Variants in PCDH15 observed in about 807,000 individuals in gnomAD.
PCDH15 encodes the protein protocadherin related 15.
PCDH15 carries 129 observed loss-of-function variants against 178.5 expected under a neutral mutation model. The observed-to-expected ratio is 0.72, with a 90% CI of 0.63 to 0.84. The LOEUF (loss-of-function observed/expected upper bound fraction) is 0.84, where lower values mean the gene tolerates loss of function less well. Among genes scored for constraint, PCDH15 ranks in the 40% least tolerant of loss-of-function variants. The pLI, the probability that PCDH15 is intolerant of heterozygous loss-of-function variation, is 0.00. For synonymous variants in PCDH15, 800 were observed against 732.0 expected, an observed-to-expected ratio of 1.09 and a Z score of -1.50; for missense variants, 2,230 against 2,099.9, an observed-to-expected ratio of 1.06 and a Z score of -1.21.
intron 2 of PCDH15, among the ~76,000 whole-genome samples, chr10:55,058,126 A>G (rs1001476834): frequency 3.3e-5 from 5 of 152,208 alleles, no homozygotes; most frequent in African/African-American, 9.6e-5. Context: ...AAAATTACAT[A>G]TTCATTCAAA....
chr10:54,244,405 A>C (rs1483785570), intron 8 of PCDH15, among the ~76,000 whole-genome samples: 1 of 152,182 alleles, frequency 6.6e-6, no homozygotes, highest in Non-Finnish European at 1.5e-5. Flanking sequence ...ACAGGCAATA[A>C]AAACCTTGGC....
intron 5 of PCDH15, among the ~76,000 whole-genome samples, chr10:54,352,302 T>C (rs1944306052): frequency 6.6e-6 from 1 of 152,184 alleles, no homozygotes; most frequent in Non-Finnish European, 1.5e-5. Context: ...TATATTTTTA[T>C]GTAATAGACA....
intron 2 of PCDH15, among the ~76,000 whole-genome samples, chr10:54,928,633 C>A (rs1176060491): frequency 6.6e-6 from 1 of 152,052 alleles, no homozygotes; most frequent in African/African-American, 2.4e-5. Context: ...TTCGTTCATT[C>A]CTTTTCATTA....
intron 1 of PCDH15, among the ~76,000 whole-genome samples, chr10:55,271,173 C>T (rs1324939808): frequency 6.6e-6 from 1 of 151,966 alleles, no homozygotes; most frequent in Non-Finnish European, 1.5e-5. Flanking sequence ...TGAAAAACTT[C>T]CTGTTGGTTA....
At chr10:54,025,120 G>T (rs2093043245) in intron 18 of PCDH15, among the ~76,000 whole-genome samples, 1 of 152,144 alleles carries the variant, frequency 6.6e-6, no homozygotes, top group South Asian at 2.1e-4. Context: ...CAATTTGACT[G>T]ATGTGGCTGT....
intron 1 of PCDH15, among the ~76,000 whole-genome samples, chr10:54,752,246 G>A (rs1946328385): frequency 6.6e-6 from 1 of 151,318 alleles, no homozygotes; most frequent in Admixed American, 6.6e-5. Flanking sequence ...GGAGGCCGAG[G>A]CGGACAGATC....
At chr10:54,045,207 CTCA>C (rs2093631432) in intron 18 of PCDH15, among the ~76,000 whole-genome samples, 1 of 151,840 alleles carries the variant, frequency 6.6e-6, no homozygotes, top group Non-Finnish European at 1.5e-5. Context: ...AATGGCCTCT[CTCA>C]TCATCATCTT....
chr10:54,555,642 CAGG>C (rs1471195982), intron 2 of PCDH15, among the ~76,000 whole-genome samples: 1 of 146,762 alleles, frequency 6.8e-6, no homozygotes, highest in Non-Finnish European at 1.5e-5. Context: ...GAGGCTGAGG[CAGG>C]AGAATAGCTT....
At chr10:54,512,580 G>A (rs1315598372) in intron 3 of PCDH15, among the ~76,000 whole-genome samples, 1 of 151,822 alleles carries the variant, frequency 6.6e-6, no homozygotes, top group East Asian at 1.9e-4. Context: ...ATGTCAAATG[G>A]CAAATGGGTT....
intron 1 of PCDH15, among the ~76,000 whole-genome samples, chr10:55,229,452 GA>G (rs899131910): frequency 6.0e-5 from 9 of 150,974 alleles, no homozygotes; most frequent in African/African-American, 9.7e-5. Context: ...TACACTAAAA[GA>G]AAAAAATACA....
chr10:54,939,494 CAAAAAAAAAAAAAA>C (rs71014430), intron 2 of PCDH15, among the ~76,000 whole-genome samples: 9 of 26,664 alleles, frequency 3.4e-4, no homozygotes, highest in African/African-American at 4.2e-4. Flanking sequence ...GACTCCGTCT[CAAAAAAAAAAAAAA>C]AAAAAAAAAA....
intron 14 of PCDH15, among the ~76,000 whole-genome samples, 166 bp from the exon 15 acceptor site, chr10:54,133,173 T>C (rs2042591388): frequency 6.6e-6 from 1 of 152,182 alleles, no homozygotes; most frequent in Non-Finnish European, 1.5e-5. Context: ...CACCAAAGTA[T>C]AATGGTTTTA....
chr10:54,176,845 C>A (rs549928216), intron 13 of PCDH15, among the ~76,000 whole-genome samples: 1 of 152,132 alleles, frequency 6.6e-6, no homozygotes, highest in Admixed American at 6.5e-5. Context: ...GTACAGTCAC[C>A]TTAGAAGACA....
intron 23 of PCDH15, among the ~76,000 whole-genome samples, chr10:53,948,779 C>T (rs185297242): frequency 9.3e-4 from 142 of 152,278 alleles, no homozygotes; most frequent in Non-Finnish European, 1.8e-3. Context: ...TGATAATGAA[C>T]AAAGTTTTTA....
At chr10:53,878,816 G>A (rs953651508) in intron 26 of PCDH15, among the ~76,000 whole-genome samples, 1 of 152,058 alleles carries the variant, frequency 6.6e-6, no homozygotes, top group African/African-American at 2.4e-5. Context: ...CTATCATAGT[G>A]GTTGAGACAT....
intron 20 of PCDH15, among the ~76,000 whole-genome samples, chr10:53,996,954 T>C (rs2091884056): frequency 6.6e-6 from 1 of 152,128 alleles, no homozygotes; most frequent in Non-Finnish European, 1.5e-5. Flanking sequence ...AATTTTCCTG[T>C]ACAGTATTAA....
At chr10:54,283,411 GA>G (rs1253535565) in intron 8 of PCDH15, among the ~76,000 whole-genome samples, 1 of 152,074 alleles carries the variant, frequency 6.6e-6, no homozygotes, top group Non-Finnish European at 1.5e-5. Flanking sequence ...AGGCTGTGTA[GA>G]AAATACAAGT....
chr10:54,003,539 A>G (rs980487996), intron 20 of PCDH15, among the ~76,000 whole-genome samples: 4 of 151,950 alleles, frequency 2.6e-5, no homozygotes, highest in African/African-American at 9.7e-5. Flanking sequence ...GACACACACA[A>G]CCCATCAAGA....
chr10:55,424,931 G>A lies in PCDH15; in HGVS notation c.-156+202694C>T, dbSNP rs534730239. 1.4e-3 allele frequency among the ~76,000 whole-genome samples: 207 copies of A among 151,634 alleles called. 1 individual carries two copies. The highest frequency in any genetic ancestry group is 1.9e-3 in the African/African-American group (80 of 41,364). On this transcript the variant is annotated intron_variant, in intron 2 of 5. Transcript: ENST00000613346. ...TATTAAAAAATATAATTATTTATAC[G>A]TTTACAGATATGAAATGGTTTGCAA...
Sources: allele counts gnomAD v4.1 joint callset (sites outside exome capture counted in the v4.1 genomes callset), GRCh38; gene constraint gnomAD v4.1.1; transcripts MANE v1.5; gene names NCBI Gene and HGNC (gene_info 2026-07-23, HGNC 2026-07-21).